Variants in FGD5 observed in about 807,000 individuals in gnomAD.
FGD5 encodes FYVE, RhoGEF and PH domain-containing protein 5.
FGD5 carries 28 observed loss-of-function variants against 133.4 expected under a neutral mutation model. The ratio of observed to expected loss-of-function variants is 0.21; its 90% CI spans 0.16 to 0.29. The LOEUF (loss-of-function observed/expected upper bound fraction) is 0.29, where lower values mean the gene tolerates loss of function less well. Ranked by LOEUF, FGD5 falls within the 10% of genes least tolerant of loss-of-function variation. FGD5 has a pLI of 1.00. For missense variants in FGD5, 1,858 were observed against 1,895.2 expected, an observed-to-expected ratio of 0.98 and a Z score of 0.36; for synonymous variants, 810 against 776.5, an observed-to-expected ratio of 1.04 and a Z score of -0.72.
chr3:14,878,730 T>G (rs1205697922), intron 2 of FGD5, among the ~76,000 whole-genome samples: 2 of 151,386 alleles, frequency 1.3e-5, no homozygotes, highest in Non-Finnish European at 2.9e-5. Context: ...CCATGCTTTT[T>G]TTTTTTTTTT....
chr3:14,878,372 C>T (rs1489556256), intron 2 of FGD5, among the ~76,000 whole-genome samples: 4 of 152,194 alleles, frequency 2.6e-5, no homozygotes, highest in Non-Finnish European at 4.4e-5. Flanking sequence ...GAGGAGTGGC[C>T]CAGCCTTCAT....
chr3:14,817,543 A>T (rs1559465117), upstream of FGD5, among the ~76,000 whole-genome samples: 1 of 152,206 alleles, frequency 6.6e-6, no homozygotes, highest in Non-Finnish European at 1.5e-5. Context: ...AAAATTGCCT[A>T]TGTAGTGATA....
At position 14,923,183 on chromosome 3, in the gene FGD5, G is replaced by T; in HGVS notation, c.3937+8G>T. The T allele has an allele frequency of 6.2e-7, 1 of 1,610,538 alleles. No individual in the cohort carries two copies. The highest frequency in any genetic ancestry group is 8.5e-7 in the Non-Finnish European group (1 of 1,178,686). The stretch of plus-strand genomic sequence containing the variant: ...TCCCGGGCCTGATGAGAGGTAACCT[G>T]GGGACCACTTGCCTTCTTCCAAGTG... On this transcript the variant is annotated splice_region_variant and intron_variant, in intron 16 of 19. Transcript: ENST00000285046.
intron 9 of FGD5, among the ~76,000 whole-genome samples, chr3:14,903,733 A>C (rs2125137425): frequency 6.6e-6 from 1 of 152,294 alleles, no homozygotes; most frequent in East Asian, 1.9e-4. Flanking sequence ...AGTATGCTAC[A>C]TGTGTTACAT....
At chr3:14,842,602 CG>C (rs958283157) in intron 1 of FGD5, among the ~76,000 whole-genome samples, 36 of 152,312 alleles carry the variant, frequency 2.4e-4, no homozygotes, top group African/African-American at 7.9e-4. Context: ...CACCCTCTCC[CG>C]GAAGACTTTG....
At chr3:14,874,136 G>A (rs1193213298) in intron 2 of FGD5, among the ~76,000 whole-genome samples, 1 of 152,230 alleles carries the variant, frequency 6.6e-6, no homozygotes, top group Non-Finnish European at 1.5e-5. Context: ...CATTTGCAAC[G>A]ATGTGAATGA....
chr3:14,859,318 A>T (rs2037350022), intron 1 of FGD5, among the ~76,000 whole-genome samples: 1 of 152,118 alleles, frequency 6.6e-6, no homozygotes, highest in African/African-American at 2.4e-5. Flanking sequence ...GCACTTTGGG[A>T]GGCTGAGGCG....
chr3:14,909,243 C>T (rs1341079254), intron 10 of FGD5, among the ~76,000 whole-genome samples: 1 of 152,194 alleles, frequency 6.6e-6, no homozygotes, highest in Non-Finnish European at 1.5e-5. Flanking sequence ...GCTGGGATTA[C>T]AGGCGTGAGC....
intron 11 of FGD5, among the ~76,000 whole-genome samples, chr3:14,911,696 G>T (rs1333796666): frequency 2.7e-5 from 4 of 150,834 alleles, no homozygotes; most frequent in African/African-American, 9.8e-5. Flanking sequence ...CCCAGGTCTT[G>T]CCCTCAGCCT....
chr3:14,893,529 G>C (rs1049004019), intron 4 of FGD5, among the ~76,000 whole-genome samples: 2 of 151,970 alleles, frequency 1.3e-5, no homozygotes, highest in African/African-American at 4.8e-5. Flanking sequence ...TAAATTTTTT[G>C]TAAAGACGGA....
At chr3:14,911,031 A>G in intron 11 of FGD5, 102 bp downstream of exon 11, 1 of 1,118,006 alleles carries the variant, frequency 8.9e-7, no homozygotes, top group Non-Finnish European at 1.3e-6. Flanking sequence ...AGAGGAGAGT[A>G]GAACAGAGCA....
chr3:14,859,333 G>T (rs1196372953), intron 1 of FGD5, among the ~76,000 whole-genome samples: 1 of 152,148 alleles, frequency 6.6e-6, no homozygotes, highest in Non-Finnish European at 1.5e-5. Flanking sequence ...GAGGCGGGCA[G>T]ATCGCTTGAG....
intron 1 of FGD5, among the ~76,000 whole-genome samples, chr3:14,826,594 A>G (rs1388207404): frequency 6.6e-6 from 1 of 152,240 alleles, no homozygotes; most frequent in Non-Finnish European, 1.5e-5. Flanking sequence ...CATTAAGACT[A>G]CAGGAGTTAA....
rs77207782 is a variant in FGD5 at position 14,834,906 on chromosome 3, C to T, written c.2525+13310C>T. On this transcript the variant is annotated intron_variant, in intron 1 of 19. Transcript: ENST00000285046. Reference sequence around the variant, plus strand: ...GTGAAAGAAGCAAGCTTCAGCAGACCCCGCGATCTGCCACTGCATTATATG... The same window carrying T: ...GTGAAAGAAGCAAGCTTCAGCAGACTCCGCGATCTGCCACTGCATTATATG... Among the ~76,000 whole-genome samples the T allele has an allele frequency of 1.3e-4, 20 of 152,254 alleles. No homozygotes were observed. In the South Asian group the frequency reaches 1.9e-3, roughly 14 times the overall value.
chr3:14,829,754 G>A (rs1429755929), intron 1 of FGD5, among the ~76,000 whole-genome samples: 3 of 152,134 alleles, frequency 2.0e-5, no homozygotes, highest in East Asian at 1.9e-4. Flanking sequence ...CGAGAATAGC[G>A]ACTGCCATTG....
At chr3:14,898,146 G>A (rs1196670055) in intron 6 of FGD5, 51 bp downstream of exon 6, 1 of 1,608,754 alleles carries the variant, frequency 6.2e-7, no homozygotes, top group Non-Finnish European at 8.5e-7. Flanking sequence ...AGGGGTTGAG[G>A]TGGGCGAAGG....
intron 1 of FGD5, among the ~76,000 whole-genome samples, chr3:14,845,506 T>A (rs552358153): frequency 6.6e-6 from 1 of 152,308 alleles, no homozygotes; most frequent in East Asian, 1.9e-4. Flanking sequence ...TTTGGTTCCT[T>A]TCCGTACTCT....
chr3:14,821,823 C>T (rs769345100), intron 1 of FGD5, among the ~76,000 whole-genome samples: 4 of 152,082 alleles, frequency 2.6e-5, no homozygotes, highest in African/African-American at 7.2e-5. Context: ...AGAGTAAGGC[C>T]GGGCGCAGTG....
intron 4 of FGD5, among the ~76,000 whole-genome samples, chr3:14,883,429 T>C (rs1023280466): frequency 6.6e-6 from 1 of 152,154 alleles, no homozygotes; most frequent in Non-Finnish European, 1.5e-5. Flanking sequence ...CAGCCAGCCT[T>C]TCACCCACTC....
Sources: gnomAD v4.1 joint callset for allele counts (sites outside exome capture counted in the v4.1 genomes callset) on GRCh38, gnomAD v4.1.1 for gene constraint, MANE v1.5 for transcripts, NCBI Gene and HGNC (gene_info 2026-07-23, HGNC 2026-07-21) for gene names.